Variants in DUSP22 observed in about 807,000 individuals in gnomAD.
DUSP22 encodes the protein dual specificity phosphatase 22.
DUSP22 carries 24 observed loss-of-function variants against 24.5 expected under a neutral mutation model. The observed-to-expected ratio is 0.98, with a 90% CI of 0.71 to 1.38. The LOEUF (loss-of-function observed/expected upper bound fraction) is 1.38, where lower values mean the gene tolerates loss of function less well. Among genes scored for constraint, DUSP22 ranks in the 40% most tolerant of loss-of-function variants. The pLI is 0.00. For missense variants in DUSP22, 330 were observed against 269.2 expected, an observed-to-expected ratio of 1.23 and a Z score of -1.58; for synonymous variants, 160 against 106.4, an observed-to-expected ratio of 1.50 and a Z score of -3.10.
chr6:340,290 G>A (rs974679492), intron 4 of DUSP22, among the ~76,000 whole-genome samples: 1 of 152,308 alleles, frequency 6.6e-6, no homozygotes, highest in African/African-American at 2.4e-5. Flanking sequence ...TGTGCTGATA[G>A]GGCAGCTCCA....
intron 1 of DUSP22, among the ~76,000 whole-genome samples, chr6:298,326 A>T (rs1286972396): frequency 6.6e-6 from 1 of 152,296 alleles, no homozygotes; most frequent in African/African-American, 2.4e-5. Flanking sequence ...TTTCCCCTTC[A>T]TGCCTGGCTT....
intron 1 of DUSP22, among the ~76,000 whole-genome samples, chr6:295,084 A>C (rs1363223452): frequency 6.6e-6 from 1 of 152,290 alleles, no homozygotes; most frequent in Non-Finnish European, 1.5e-5. Flanking sequence ...CATCTGTAAA[A>C]AAAGAAGAAT....
At chr6:303,320 C>G (rs1018646778) in intron 1 of DUSP22, among the ~76,000 whole-genome samples, 1 of 152,294 alleles carries the variant, frequency 6.6e-6, no homozygotes, top group South Asian at 2.1e-4. Flanking sequence ...CATTCTTGGA[C>G]TGTCCCAGTT....
At chr6:312,082 C>A in intron 3 of DUSP22, 120 bp downstream of exon 3, 6 of 1,085,314 alleles carry the variant, frequency 5.5e-6, no homozygotes, top group South Asian at 1.6e-5. Flanking sequence ...TGATCTCTGG[C>A]GGCATTCCCA....
chr6:323,995 A>T (rs989777226), intron 3 of DUSP22, among the ~76,000 whole-genome samples: 1 of 152,306 alleles, frequency 6.6e-6, no homozygotes, highest in East Asian at 1.9e-4. Context: ...CCTGAAGAAG[A>T]AAAGATCTCA....
At chr6:334,773 T>A in intron 3 of DUSP22, among the ~76,000 whole-genome samples, 1 of 152,302 alleles carries the variant, frequency 6.6e-6, no homozygotes. Flanking sequence ...ATATAAAAAA[T>A]TTGGAATATA....
chr6:294,500 G>A (rs779710025), intron 1 of DUSP22, among the ~76,000 whole-genome samples: 13 of 152,180 alleles, frequency 8.5e-5, no homozygotes, highest in Non-Finnish European at 1.5e-4. Flanking sequence ...AAAATAAACC[G>A]GTGAAATTAA....
chr6:309,625 T>C (rs561462509), intron 2 of DUSP22, among the ~76,000 whole-genome samples: 3 of 152,284 alleles, frequency 2.0e-5, no homozygotes, highest in Non-Finnish European at 4.4e-5. Context: ...TAGATCTTTC[T>C]AACTAGCCTC....
chr6:306,700 C>T (rs1223737591), intron 2 of DUSP22, among the ~76,000 whole-genome samples: 1 of 152,306 alleles, frequency 6.6e-6, no homozygotes, highest in African/African-American at 2.4e-5. Context: ...GTATTTTCCC[C>T]AATTGTGCTG....
chr6:329,754 CGAT>C, intron 3 of DUSP22, among the ~76,000 whole-genome samples: 1 of 152,298 alleles, frequency 6.6e-6, no homozygotes, highest in East Asian at 1.9e-4. Flanking sequence ...GCCCAGCCTA[CGAT>C]GATAAATCTT....
At chr6:341,902 A>C (rs1759625144) in intron 4 of DUSP22, among the ~76,000 whole-genome samples, 1 of 152,252 alleles carries the variant, frequency 6.6e-6, no homozygotes, top group Non-Finnish European at 1.5e-5. Context: ...GGCTGAGCAC[A>C]CTCCCCTCTT....
rs1251938311 is a variant in DUSP22 at position 350,416 on chromosome 6, C to T, written c.*1465C>T. The T allele has an allele frequency of 3.6e-6, 4 of 1,112,484 alleles. No individual in the cohort carries two copies. Among genetic ancestry groups the T allele is most frequent in the East Asian group, 7.2e-5 (1 of 13,882 alleles). The allele number at this position is 1,112,484 out of a possible 1,614,324, so 68.9% of individuals were successfully genotyped here. On this transcript the variant is annotated 3_prime_UTR_variant, in exon 7 of 7. Transcript: ENST00000419235. ...TCGAATGAAAAAACATACTCGACCT[C>T]TCCCTAAAAAGATGTTGCAACCCAG...
At chr6:293,453 C>T (rs1479829558) in intron 1 of DUSP22, among the ~76,000 whole-genome samples, 1 of 152,298 alleles carries the variant, frequency 6.6e-6, no homozygotes. Context: ...TTTTACGGGT[C>T]TTTGAATGGT....
At chr6:322,702 T>C (rs1347866472) in intron 3 of DUSP22, among the ~76,000 whole-genome samples, 1 of 151,628 alleles carries the variant, frequency 6.6e-6, no homozygotes, top group African/African-American at 2.4e-5. Flanking sequence ...AAAGAGTGTT[T>C]CTTGTTCCGG....
chr6:299,478 A>G (rs1490676734), intron 1 of DUSP22, among the ~76,000 whole-genome samples: 1 of 152,300 alleles, frequency 6.6e-6, no homozygotes, highest in South Asian at 2.1e-4. Context: ...TGGGCCTTTT[A>G]TTTAGTCTCC....
At chr6:292,613 G>T (rs1757139597) in intron 1 of DUSP22, 53 bp downstream of exon 1, 7 of 1,569,466 alleles carry the variant, frequency 4.5e-6, no homozygotes, top group Non-Finnish European at 6.0e-6. Context: ...ACGCCCTGCC[G>T]TCTCGCCGGC....
chr6:349,589 A>C lies in DUSP22; in HGVS notation c.*638A>C, dbSNP rs1267643947. ...GTGTGGTGGGGGCAACAGGGGCCAG[A>C]CTCCTCTAGAGGGAGGGTGGCTCTG... On this transcript the variant is annotated 3_prime_UTR_variant, in exon 7 of 7. Coordinates refer to ENST00000419235, the MANE Select transcript of DUSP22 (RefSeq NM_001286555.3). The C allele has an allele frequency of 1.0e-6, 1 of 988,374 alleles. No individual in the cohort carries two copies. The highest frequency in any genetic ancestry group is 1.2e-6 in the Non-Finnish European group (1 of 832,322). The allele number at this position is 988,374 out of a possible 1,614,324, so 61.2% of individuals were successfully genotyped here.
At chr6:327,681 C>T (rs1490732752) in intron 3 of DUSP22, among the ~76,000 whole-genome samples, 19 of 152,296 alleles carry the variant, frequency 1.2e-4, no homozygotes, top group Non-Finnish European at 2.9e-5. Context: ...CTGAAGTCTG[C>T]TAAGGGGGAG....
chr6:342,676 A>G (rs1759664975), intron 4 of DUSP22, among the ~76,000 whole-genome samples: 1 of 152,308 alleles, frequency 6.6e-6, no homozygotes, highest in African/African-American at 2.4e-5. Context: ...GGAGAGAGAC[A>G]CTTGGCAGCA....
Sources: allele counts gnomAD v4.1 joint callset (sites outside exome capture counted in the v4.1 genomes callset), GRCh38; gene constraint gnomAD v4.1.1; transcripts MANE v1.5; gene names NCBI Gene and HGNC (gene_info 2026-07-23, HGNC 2026-07-21).